Variants in TDRD12 observed in about 807,000 individuals in gnomAD.
The protein encoded by TDRD12 is tudor domain containing 12.
Under a neutral mutation model 133.5 loss-of-function variants are expected in TDRD12, and 158 were observed. The observed-to-expected ratio is 1.18, with a 90% CI of 1.04 to 1.35. TDRD12 has a LOEUF of 1.35. TDRD12 is among the 40% of genes most tolerant of loss of function. The pLI is 0.00. For synonymous variants in TDRD12, 460 were observed against 477.9 expected (o/e 0.96, Z 0.49); for missense variants, 1,443 against 1,321.3 (o/e 1.09, Z -1.43).
chr19:32,794,092 CTTTTTTTTTT>C (rs751938374), intron 13 of TDRD12, among the ~76,000 whole-genome samples: 2 of 49,828 alleles, frequency 4.0e-5, no homozygotes, highest in Non-Finnish European at 6.8e-5. Context: ...CTGTGCCTGG[CTTTTTTTTTT>C]TTTTTTTTTT....
At chr19:32,738,307 G>A (rs1969287475) in intron 2 of TDRD12, among the ~76,000 whole-genome samples, 1 of 152,150 alleles carries the variant, frequency 6.6e-6, no homozygotes, top group Non-Finnish European at 1.5e-5. Context: ...CTCAGTTAAG[G>A]AGTGGAAACA....
intron 11 of TDRD12, among the ~76,000 whole-genome samples, chr19:32,778,127 G>A (rs1970661255): frequency 6.6e-6 from 1 of 151,872 alleles, no homozygotes; most frequent in South Asian, 2.1e-4. Flanking sequence ...AGGTGGGGAG[G>A]TCCTGCTGTT....
intron 10 of TDRD12, among the ~76,000 whole-genome samples, chr19:32,773,967 G>T (rs1011140145): frequency 6.6e-6 from 1 of 152,194 alleles, no homozygotes; most frequent in Non-Finnish European, 1.5e-5. Flanking sequence ...CTGAAGATTG[G>T]CACAGAGTGG....
At chr19:32,799,064 G>C (rs1599601920) in intron 16 of TDRD12, among the ~76,000 whole-genome samples, 1 of 152,192 alleles carries the variant, frequency 6.6e-6, no homozygotes, top group Admixed American at 6.5e-5. Flanking sequence ...CATGCTTTTT[G>C]CACCTGTTTC....
chr19:32,796,186 G>A (rs1424312560), intron 14 of TDRD12: 1 of 985,272 alleles, frequency 1.0e-6, no homozygotes, highest in Admixed American at 6.2e-5. Flanking sequence ...GCTCCAGACG[G>A]GGCTCCACCA....
At chr19:32,805,800 C>T (rs1971531644) in intron 21 of TDRD12, among the ~76,000 whole-genome samples, 3 of 143,800 alleles carry the variant, frequency 2.1e-5, no homozygotes, top group East Asian at 4.1e-4. Context: ...GGCATGATCT[C>T]GGCTCACTGC....
intron 8 of TDRD12, among the ~76,000 whole-genome samples, chr19:32,762,269 G>C (rs1463113384): frequency 6.6e-6 from 1 of 152,120 alleles, no homozygotes; most frequent in Non-Finnish European, 1.5e-5. Flanking sequence ...GCCATACTCA[G>C]GGTCATCTAG....
chr19:32,810,008 C>T, intron 22 of TDRD12, 85 bp from the exon 23 acceptor site: 1 of 858,560 alleles, frequency 1.2e-6, no homozygotes, highest in East Asian at 3.0e-5. Flanking sequence ...AGGTTGGGTA[C>T]TGATTTCTGC....
At chr19:32,801,733 G>A (rs1971395583) in intron 18 of TDRD12, 23 bp from the exon 19 acceptor site, 1 of 975,206 alleles carries the variant, frequency 1.0e-6, no homozygotes, top group African/African-American at 1.6e-5. Flanking sequence ...ACTGTGACCT[G>A]GCCTCTTTGA....
chr19:32,734,848 T>A (rs763359964), intron 2 of TDRD12, among the ~76,000 whole-genome samples: 1 of 152,184 alleles, frequency 6.6e-6, no homozygotes, highest in Non-Finnish European at 1.5e-5. Flanking sequence ...ATTCTCCCAG[T>A]GTTTCGAACT....
chr19:32,790,588 G>A (rs1026516551), exon 12 of TDRD12: 11 of 1,551,804 alleles, frequency 7.1e-6, no homozygotes, highest in Non-Finnish European at 9.6e-6. Flanking sequence ...CTGATCTCCA[G>A]CAGGTATTAC....
chr19:32,774,183 C>T (rs1970516679), intron 10 of TDRD12, among the ~76,000 whole-genome samples: 1 of 152,186 alleles, frequency 6.6e-6, no homozygotes, highest in African/African-American at 2.4e-5. Flanking sequence ...AACACACTTC[C>T]CCTCGTGTCG....
At chr19:32,720,315 G>A (rs1302242594) in intron 1 of TDRD12, among the ~76,000 whole-genome samples, 1 of 74,310 alleles carries the variant, frequency 1.3e-5, no homozygotes, top group Non-Finnish European at 2.6e-5. Context: ...CCCAGCCCAC[G>A]CATCCCCCCC....
intron 8 of TDRD12, among the ~76,000 whole-genome samples, chr19:32,770,512 G>A (rs765351748): frequency 8.6e-5 from 13 of 151,968 alleles, no homozygotes; most frequent in Admixed American, 2.6e-4. Context: ...CATCAAGAAC[G>A]TCACATTTTC....
intron 6 of TDRD12, among the ~76,000 whole-genome samples, chr19:32,755,716 C>A (rs1290431867): frequency 6.6e-6 from 1 of 152,198 alleles, no homozygotes; most frequent in Non-Finnish European, 1.5e-5. Flanking sequence ...GTCCTCCCAC[C>A]AGGCTTTTGC....
At chr19:32,771,587 C>CT (rs78756152) in intron 8 of TDRD12, among the ~76,000 whole-genome samples, 2,026 of 143,616 alleles carry the variant, frequency 0.014, 36 homozygotes, top group African/African-American at 0.042. Flanking sequence ...TCCCAATCTC[C>CT]TTTTTTTTTT....
intron 1 of TDRD12, among the ~76,000 whole-genome samples, chr19:32,724,578 T>C (rs1742432782): frequency 6.6e-6 from 1 of 152,238 alleles, no homozygotes; most frequent in Non-Finnish European, 1.5e-5. Context: ...GGTTACCTAG[T>C]ATTCCATGGT....
intron 10 of TDRD12, among the ~76,000 whole-genome samples, chr19:32,776,273 G>A (rs750053849): frequency 3.3e-5 from 5 of 152,166 alleles, no homozygotes; most frequent in Non-Finnish European, 7.4e-5. Context: ...GAAAAAAGGT[G>A]GAGATTTTCC....
intron 1 of TDRD12, among the ~76,000 whole-genome samples, chr19:32,720,989 C>T (rs1260877742): frequency 2.6e-5 from 4 of 151,892 alleles, no homozygotes; most frequent in Non-Finnish European, 4.4e-5. Context: ...CACTGGCGTC[C>T]CCAGGGCCCC....
Sources: allele counts gnomAD v4.1 joint callset (sites outside exome capture counted in the v4.1 genomes callset), GRCh38; gene constraint gnomAD v4.1.1; transcripts MANE v1.5; gene names NCBI Gene and HGNC (gene_info 2026-07-23, HGNC 2026-07-21).